Variants in C16orf87 observed in about 807,000 individuals in gnomAD.
C16orf87 encodes UPF0547 protein C16orf87.
Under a neutral mutation model 21.0 loss-of-function variants are expected in C16orf87, and 13 were observed. The observed-to-expected ratio is 0.62, with a 90% CI of 0.40 to 0.98. C16orf87 has a LOEUF of 0.98. Among genes scored for constraint, C16orf87 ranks in the 50% least tolerant of loss-of-function variants. C16orf87 has a pLI of 0.00. For missense variants in C16orf87, 113 were observed against 180.4 expected (o/e 0.63, Z 2.14); for synonymous variants, 49 against 60.2 (o/e 0.81, Z 0.86).
chr16:46,805,359 C>T (rs896790965), intron 3 of C16orf87, among the ~76,000 whole-genome samples: 1 of 151,972 alleles, frequency 6.6e-6, no homozygotes, highest in African/African-American at 2.4e-5. Flanking sequence ...TATCTTTAAG[C>T]CTTTTATTAA....
intron 3 of C16orf87, among the ~76,000 whole-genome samples, chr16:46,808,979 T>C (rs1215725860): frequency 1.4e-5 from 2 of 142,858 alleles, no homozygotes. Flanking sequence ...TATAATAGTT[T>C]GAAGTAGTCT....
chr16:46,829,977 T>C (rs1208790450), intron 1 of C16orf87, among the ~76,000 whole-genome samples: 1 of 150,420 alleles, frequency 6.6e-6, no homozygotes, highest in East Asian at 1.9e-4. Flanking sequence ...AAGGTAGTCA[T>C]TTTGAAAAAA....
In C16orf87 at chr16:46,797,758, G is replaced by C. The variant is rs1053167779; in HGVS notation, c.*5194C>G. 1 of 152,160 alleles carries C rather than the reference G, an allele frequency of 6.6e-6. No individual in the cohort carries two copies. Among genetic ancestry groups the C allele is most frequent in the Non-Finnish European group, 1.5e-5 (1 of 68,034 alleles). 9.4% of individuals were successfully genotyped at this position (152,160 alleles called of 1,614,324 possible). A position where few individuals can be genotyped will look rare whatever the true frequency, so the allele number is the denominator to read the frequency against. On this transcript the variant is annotated 3_prime_UTR_variant, in exon 4 of 4. Transcript: ENST00000285697. ...GAACTGGTAAAATATTGACTTCTAA[G>C]TGAACTGTAAAAAGTGAAGTATGTT...
intron 2 of C16orf87, among the ~76,000 whole-genome samples, chr16:46,818,440 T>C (rs1488916567): frequency 6.6e-6 from 1 of 152,178 alleles, no homozygotes; most frequent in East Asian, 1.9e-4. Context: ...TTTCCCTTTT[T>C]TCTTTCTCCC....
chr16:46,809,415 A>G (rs1214197030), intron 3 of C16orf87, among the ~76,000 whole-genome samples, 188 bp downstream of exon 3: 21 of 152,144 alleles, frequency 1.4e-4, no homozygotes, highest in Admixed American at 1.3e-3. Flanking sequence ...CAGGTTTCCA[A>G]TAAGAATTAA....
intron 2 of C16orf87, among the ~76,000 whole-genome samples, chr16:46,817,208 T>C (rs1968274381): frequency 6.6e-6 from 1 of 152,074 alleles, no homozygotes; most frequent in Admixed American, 6.5e-5. Flanking sequence ...ACCCACTGAA[T>C]GCCAAGGAAG....
intron 2 of C16orf87, among the ~76,000 whole-genome samples, chr16:46,810,314 A>G (rs1377475155): frequency 6.6e-6 from 1 of 152,220 alleles, no homozygotes; most frequent in Non-Finnish European, 1.5e-5. Flanking sequence ...CACTTTAGCC[A>G]CAGATAAGGT....
intron 2 of C16orf87, among the ~76,000 whole-genome samples, chr16:46,822,158 C>T (rs536335329): frequency 6.6e-6 from 1 of 152,302 alleles, no homozygotes; most frequent in Admixed American, 6.5e-5. Context: ...TGATGCGATC[C>T]TCCTGCCTCG....
chr16:46,824,514 AC>A, intron 1 of C16orf87, 32 bp from the exon 2 acceptor site: 1 of 930,054 alleles, frequency 1.1e-6, no homozygotes, highest in Non-Finnish European at 1.6e-6. Flanking sequence ...ATATATTATT[AC>A]TATTTTTCTA....
Position 46,802,230 on chromosome 16 carries a change from GT to G in C16orf87, c.*721del, listed in dbSNP as rs796296239. ...ACAGGCACCATCTTGAGAGCAGTTT[GT>G]TTTTTTTTTTTAGCTAATAAATAAA... On this transcript the variant is annotated 3_prime_UTR_variant, in exon 4 of 4. Transcript: ENST00000285697. 2.6e-3 allele frequency: 366 copies of G among 140,012 alleles called. No homozygotes were observed. Among genetic ancestry groups the G allele is most frequent in the African/African-American group, 6.2e-3 (238 of 38,458 alleles). The allele number at this position is 140,012 out of a possible 1,614,324, so 8.7% of individuals were successfully genotyped here.
At chr16:46,815,946 C>T (rs1968226288) in intron 2 of C16orf87, among the ~76,000 whole-genome samples, 1 of 152,156 alleles carries the variant, frequency 6.6e-6, no homozygotes, top group African/African-American at 2.4e-5. Flanking sequence ...TATTTGTATA[C>T]CATGCAGCAT....
At chr16:46,829,084 TGAGA>T (rs1428429422) in intron 1 of C16orf87, among the ~76,000 whole-genome samples, 3 of 152,110 alleles carry the variant, frequency 2.0e-5, no homozygotes, top group African/African-American at 7.2e-5. Context: ...ATGGGCCATT[TGAGA>T]GAGAATTAGG....
chr16:46,810,363 T>C (rs573399173), intron 2 of C16orf87, among the ~76,000 whole-genome samples: 3 of 152,290 alleles, frequency 2.0e-5, no homozygotes, highest in East Asian at 3.9e-4. Context: ...ATAAATGGAA[T>C]AGCAATAGGG....
At chr16:46,824,304 A>G in intron 2 of C16orf87, 82 bp downstream of exon 2, 1 of 704,068 alleles carries the variant, frequency 1.4e-6, no homozygotes. Context: ...AACTTCAACA[A>G]AAAATGTAAA....
chr16:46,808,448 G>A (rs549503366), intron 3 of C16orf87, among the ~76,000 whole-genome samples: 61 of 152,322 alleles, frequency 4.0e-4, no homozygotes, highest in Non-Finnish European at 8.7e-4. Flanking sequence ...TCTAAAATAA[G>A]TGAAATTTAC....
chr16:46,798,226 G>GTT lies in C16orf87; in HGVS notation c.*4724_*4725dup, dbSNP rs1477231173. 6.6e-6 allele frequency: 1 copy of GTT among 152,212 alleles called. No individual in the cohort carries two copies. Among genetic ancestry groups the GTT allele is most frequent in the Non-Finnish European group, 1.5e-5 (1 of 68,052 alleles). The allele number at this position is 152,212 out of a possible 1,614,324, so 9.4% of individuals were successfully genotyped here. A position where few individuals can be genotyped will look rare whatever the true frequency, so the allele number is the denominator to read the frequency against. On this transcript the variant is annotated 3_prime_UTR_variant, in exon 4 of 4. Transcript: ENST00000285697. ...GCAAAATATCAATAAACCAGAGCAG[G>GTT]TTCTTACAAAAGAGAAATGCAGCCG...
chr16:46,803,074 T>C lies in C16orf87; in HGVS notation c.347-4A>G. 6.8e-7 allele frequency: 1 copy of C among 1,471,794 alleles called. No homozygotes were observed. Among genetic ancestry groups the C allele is most frequent in the Non-Finnish European group, 9.4e-7 (1 of 1,066,204 alleles). 91.2% of individuals were successfully genotyped at this position (1,471,794 alleles called of 1,614,324 possible). On this transcript the variant is annotated splice_region_variant and splice_polypyrimidine_tract_variant and intron_variant, in intron 3 of 3. Transcript: ENST00000285697. ...TCAATTTCCTTTTCCTGTTTCTCTG[T>C]TAAAAGAAAAAGGGAAAGTTTAATA...
chr16:46,822,853 G>A (rs532845929), intron 2 of C16orf87, among the ~76,000 whole-genome samples: 3 of 152,210 alleles, frequency 2.0e-5, no homozygotes, highest in African/African-American at 7.2e-5. Context: ...CTCAGGGACA[G>A]TTTCTCCTCA....
intron 1 of C16orf87, among the ~76,000 whole-genome samples, chr16:46,829,799 G>A (rs898833027): frequency 1.4e-4 from 21 of 151,926 alleles, no homozygotes; most frequent in Non-Finnish European, 2.9e-4. Context: ...AGCCCATAAA[G>A]GATACTTAAT....
Sources: allele counts gnomAD v4.1 joint callset (sites outside exome capture counted in the v4.1 genomes callset), GRCh38; gene constraint gnomAD v4.1.1; transcripts MANE v1.5; gene names NCBI Gene and HGNC (gene_info 2026-07-23, HGNC 2026-07-21).